Variants in MTERF1 observed in about 807,000 individuals in gnomAD.
MTERF1 encodes transcription termination factor 1, mitochondrial.
In MTERF1, 29 loss-of-function variants were observed where a neutral mutation model predicts 31.6. The observed-to-expected ratio is 0.92, with a 90% CI of 0.68 to 1.25. The LOEUF (loss-of-function observed/expected upper bound fraction) is 1.25, where lower values mean the gene tolerates loss of function less well. Among genes scored for constraint, MTERF1 ranks in the 50% most tolerant of loss-of-function variants. MTERF1 has a pLI of 0.00. For synonymous variants in MTERF1, 152 were observed against 164.1 expected (o/e 0.93, Z 0.57); for missense variants, 500 against 469.1 (o/e 1.07, Z -0.61).
intron 2 of MTERF1, among the ~76,000 whole-genome samples, chr7:91,878,850 A>G (rs958838043): frequency 2.6e-5 from 4 of 152,018 alleles, no homozygotes; most frequent in Admixed American, 2.0e-4. Flanking sequence ...AAAAAAGACA[A>G]TATGTGTTTG....
chr7:91,876,553 A>G (rs562634191), intron 2 of MTERF1, among the ~76,000 whole-genome samples: 3 of 152,344 alleles, frequency 2.0e-5, no homozygotes, highest in South Asian at 2.1e-4. Context: ...TGTCCTTTCA[A>G]TTACTCCAAT....
rs1789234278 is a variant in MTERF1, at chr7:91,873,453, T to A, written c.*141A>T. On this transcript the variant is annotated 3_prime_UTR_variant, in exon 3 of 3. Transcript: ENST00000351870. ...ACTTTTAAAGATCCCTACAATTATATTAGGCCCTCCAAAGTAATTCAGGAT... is the reference window on the plus strand; with the variant it reads ...ACTTTTAAAGATCCCTACAATTATAATAGGCCCTCCAAAGTAATTCAGGAT... The A allele has an allele frequency of 1.9e-5, 14 of 737,248 alleles. No homozygotes were observed. In the South Asian group the frequency reaches 2.8e-4, roughly 15 times the overall value. The allele number at this position is 737,248 out of a possible 1,614,324, so 45.7% of individuals were successfully genotyped here. A position where few individuals can be genotyped will look rare whatever the true frequency, so the allele number is the denominator to read the frequency against.
At chr7:91,875,244 C>T (rs1364365497) in intron 2 of MTERF1, among the ~76,000 whole-genome samples, 1 of 151,880 alleles carries the variant, frequency 6.6e-6, no homozygotes, top group African/African-American at 2.4e-5. Flanking sequence ...CTTTGTCCTC[C>T]TGATTTCCAA....
At position 91,880,544 on chromosome 7, in the gene MTERF1, T is replaced by A; in HGVS notation, c.-31+113A>T. On this transcript the variant is annotated intron_variant, in intron 1 of 2. Coordinates refer to ENST00000351870, the MANE Select transcript of MTERF1 (RefSeq NM_006980.5). ...CCACACCGAAGGCTCTTTCCATCCC[T>A]CTTCCTCCTCCAAAGACAAATCTGC... is the stretch of plus-strand genomic sequence containing the variant. 3 of 188,548 alleles carry A rather than the reference T, an allele frequency of 1.6e-5. 1 individual carries two copies. In the South Asian group the frequency reaches 2.8e-4, roughly 17 times the overall value. The allele number at this position is 188,548 out of a possible 1,614,324, so 11.7% of individuals were successfully genotyped here.
rs77395248 is a variant in MTERF1 at position 91,879,655 on chromosome 7, T to C, written c.29+400A>G. Among the ~76,000 whole-genome samples the C allele has an allele frequency of 3.3e-5, 5 of 152,266 alleles. No individual in the cohort carries two copies. The East Asian group carries it at 9.7e-4, about 29-fold the overall frequency. ...AAAATTCTCCATGATGCTTTACTCT[T>C]AGCAACGGATCTCCATTCAAAATAC... On this transcript the variant is annotated intron_variant, in intron 2 of 2. Transcript: ENST00000351870.
intron 2 of MTERF1, among the ~76,000 whole-genome samples, chr7:91,876,476 A>G (rs992669895): frequency 2.0e-5 from 3 of 152,180 alleles, no homozygotes; most frequent in African/African-American, 7.2e-5. Flanking sequence ...ATTCCAACCC[A>G]CTACTAACCT....
At position 91,873,646 on chromosome 7, in the gene MTERF1, C is replaced by T; in HGVS notation, c.1148G>A (p.Trp383Ter). Residue 383 changes from tryptophan (W) to a stop codon, truncating the protein, a stop_gained, in exon 3 of 3, where the codon TGG becomes TAG. Coordinates refer to ENST00000351870, the MANE Select transcript of MTERF1 (RefSeq NM_006980.5). LOFTEE classifies it high-confidence loss of function. ...LSTLNITLLS[W>*]SKKRYEAKLK... ...TTTAGCTTCATATCTTTTTTTACTC[C>T]AAGATAGAAGAGTGATGTTTAAAGT... is the stretch of plus-strand genomic sequence containing the variant. 6.2e-7 allele frequency: 1 copy of T among 1,610,346 alleles called. No homozygotes were observed. The highest frequency in any genetic ancestry group is 8.5e-7 in the Non-Finnish European group (1 of 1,179,150).
chr7:91,873,552 T>G lies in MTERF1; in HGVS notation c.*42A>C. 6 of 1,500,918 alleles carry G rather than the reference T, an allele frequency of 4.0e-6. No individual in the cohort carries two copies. The highest frequency in any genetic ancestry group is 4.5e-6 in the Non-Finnish European group (5 of 1,114,574). The allele number at this position is 1,500,918 out of a possible 1,614,324, so 93.0% of individuals were successfully genotyped here. A position where few individuals can be genotyped will look rare whatever the true frequency, so the allele number is the denominator to read the frequency against. Reference sequence around the variant, plus strand: ...TGCAAAATTCTTTTGCAATGTGGCATAACATATTCACAGTTCCTGAGAATT... The same window carrying G: ...TGCAAAATTCTTTTGCAATGTGGCAGAACATATTCACAGTTCCTGAGAATT... On this transcript the variant is annotated 3_prime_UTR_variant, in exon 3 of 3. Transcript: ENST00000351870.
rs553419217 is a variant in MTERF1 at position 91,871,849 on chromosome 7, G to C, written c.*1745C>G. On this transcript the variant is annotated 3_prime_UTR_variant, in exon 3 of 3. Transcript: ENST00000351870. ...CATGTTGAAATTTAATCCCCAATGTGGCAGTATTGAGAGGTGGGGCCTTTA... is the reference window on the plus strand; with the variant it reads ...CATGTTGAAATTTAATCCCCAATGTCGCAGTATTGAGAGGTGGGGCCTTTA... The C allele has an allele frequency of 5.9e-5, 9 of 152,294 alleles. No homozygotes were observed. The South Asian group carries it at 1.9e-3, about 32-fold the overall frequency. 9.4% of individuals were successfully genotyped at this position (152,294 alleles called of 1,614,324 possible). A position where few individuals can be genotyped will look rare whatever the true frequency, so the allele number is the denominator to read the frequency against.
intron 2 of MTERF1, chr7:91,877,094 A>G (rs1789364054): frequency 5.2e-6 from 1 of 190,484 alleles, no homozygotes; most frequent in African/African-American, 2.4e-5. Context: ...AATATAAACA[A>G]TATGATTGTA....
chr7:91,879,764 A>T (rs952356925), intron 2 of MTERF1, among the ~76,000 whole-genome samples: 44 of 152,176 alleles, frequency 2.9e-4, no homozygotes, highest in African/African-American at 9.9e-4. Flanking sequence ...AAATTTCAAA[A>T]ATGGTACCTA....
chr7:91,880,396 C>G (rs1789474654), intron 1 of MTERF1: 1 of 269,924 alleles, frequency 3.7e-6, no homozygotes, highest in South Asian at 7.5e-5. Context: ...AAAAGGTAGG[C>G]ATAAGCCTTA....
chr7:91,874,656 T>C lies in MTERF1; in HGVS notation c.138A>G (p.Ala46=), dbSNP rs1162379498. 2.5e-6 allele frequency: 4 copies of C among 1,614,164 alleles called. No homozygotes were observed. The highest frequency in any genetic ancestry group is 3.4e-6 in the Non-Finnish European group (4 of 1,180,026). Residue 46 remains alanine, a synonymous_variant, in exon 3 of 3, where the codon GCA becomes GCG. Transcript: ENST00000351870. Reference sequence around the variant, plus strand: ...ATGAAACTGATTTGAAGATGTTTTCTGCTGAAAATCGAGTCATCCAACATC... The same window carrying C: ...ATGAAACTGATTTGAAGATGTTTTCCGCTGAAAATCGAGTCATCCAACATC... ...GSRCWMTRFS[A]ENIFKSVSFR...
chr7:91,874,677 A>G lies in MTERF1; in HGVS notation c.117T>C (p.Cys39=). The G allele has an allele frequency of 2.5e-6, 4 of 1,614,128 alleles. No individual in the cohort carries two copies. Among genetic ancestry groups the G allele is most frequent in the Non-Finnish European group, 3.4e-6 (4 of 1,180,016 alleles). Residue 39 remains cysteine, a synonymous_variant, in exon 3 of 3, where the codon TGT becomes TGC. Transcript: ENST00000351870. ...MRNNFLFGSR[C]WMTRFSAENI... Reference sequence around the variant, plus strand: ...TTTCTGCTGAAAATCGAGTCATCCAACATCTTGAACCAAAGAGAAAGTTAT... The same window carrying G: ...TTTCTGCTGAAAATCGAGTCATCCAGCATCTTGAACCAAAGAGAAAGTTAT...
In MTERF1 at chr7:91,871,410, C is replaced by G. The variant is rs1239241021; in HGVS notation, c.*2184G>C. 2 of 152,194 alleles carry G rather than the reference C, an allele frequency of 1.3e-5. No individual in the cohort carries two copies. The highest frequency in any genetic ancestry group is 4.8e-5 in the African/African-American group (2 of 41,458). 9.4% of individuals were successfully genotyped at this position (152,194 alleles called of 1,614,324 possible). On this transcript the variant is annotated 3_prime_UTR_variant, in exon 3 of 3. Transcript: ENST00000351870. ...GAGCTTGTTAGATTCCAAAACAATACCTCAGAAAACACTCGCGTACAATTC... is the reference window on the plus strand; with the variant it reads ...GAGCTTGTTAGATTCCAAAACAATAGCTCAGAAAACACTCGCGTACAATTC...
At chr7:91,876,912 A>G in intron 2 of MTERF1, 1 of 985,398 alleles carries the variant, frequency 1.0e-6, no homozygotes. Flanking sequence ...TCTCTTCCAG[A>G]TGCTCGACTG....
Position 91,874,711 on chromosome 7 carries a change from T to A in MTERF1, c.83A>T (p.His28Leu). The A allele has an allele frequency of 1.2e-6, 2 of 1,613,884 alleles. No individual in the cohort carries two copies. Among genetic ancestry groups the A allele is most frequent in the Non-Finnish European group, 1.7e-6 (2 of 1,179,934 alleles). ...LTIMAPGNLWHMRNNFLFGSR... is the reference protein window; with the variant it reads ...LTIMAPGNLWLMRNNFLFGSR... The stretch of plus-strand genomic sequence containing the variant: ...ACCAAAGAGAAAGTTATTTCTCATA[T>A]GCCAGAGGTTTCCTGGTGCCATAAT... Residue 28 changes from histidine (H) to leucine (L), a missense_variant, in exon 3 of 3, where the codon CAT becomes CTT. By Grantham distance (99) the His-to-Leu change is moderately conservative. Coordinates refer to ENST00000351870, the MANE Select transcript of MTERF1 (RefSeq NM_006980.5).
intron 2 of MTERF1, among the ~76,000 whole-genome samples, chr7:91,878,012 T>C (rs1789389293): frequency 6.6e-6 from 1 of 152,194 alleles, no homozygotes; most frequent in African/African-American, 2.4e-5. Context: ...TTCTTTCTTT[T>C]AGAAAGGCCC....
Position 91,871,692 on chromosome 7 carries a change from G to A in MTERF1, c.*1902C>T, listed in dbSNP as rs1053687841. Reference sequence around the variant, plus strand: ...AGATTCATTTTTGCTTAGGCTTGGGGGAACAAATGGAGGGAAATAATGGGG... The same window carrying A: ...AGATTCATTTTTGCTTAGGCTTGGGAGAACAAATGGAGGGAAATAATGGGG... On this transcript the variant is annotated 3_prime_UTR_variant, in exon 3 of 3. Coordinates refer to ENST00000351870, the MANE Select transcript of MTERF1 (RefSeq NM_006980.5). 3.3e-5 allele frequency: 5 copies of A among 152,278 alleles called. No homozygotes were observed. Among genetic ancestry groups the A allele is most frequent in the African/African-American group, 1.2e-4 (5 of 41,548 alleles). 9.4% of individuals were successfully genotyped at this position (152,278 alleles called of 1,614,324 possible).
Sources: allele counts gnomAD v4.1 joint callset (sites outside exome capture counted in the v4.1 genomes callset), GRCh38; gene constraint gnomAD v4.1.1; transcripts MANE v1.5; gene names NCBI Gene and HGNC (gene_info 2026-07-23, HGNC 2026-07-21).